The following CACNA1D variants were observed in gnomAD, a reference collection of about 807,000 sequenced individuals.
CACNA1D encodes voltage-dependent L-type calcium channel subunit alpha-1D.
CACNA1D carries 55 observed loss-of-function variants against 257.1 expected under a neutral mutation model. That is an observed-to-expected ratio of 0.21 (90% CI 0.17 to 0.27). The LOEUF (loss-of-function observed/expected upper bound fraction) is 0.27, where lower values mean the gene tolerates loss of function less well. Among genes scored for constraint, CACNA1D ranks in the 10% least tolerant of loss-of-function variants. The probability of loss-of-function intolerance (pLI) is 1.00; values close to 1 mark genes in which losing one functional copy is unlikely to be tolerated. For missense variants in CACNA1D, 1,876 were observed against 2,784.0 expected (o/e 0.67, Z 7.34); for synonymous variants, 980 against 1,014.9 (o/e 0.97, Z 0.65).
rs1355720108 is a variant in CACNA1D, at chr3:53,609,899, C to G, written c.484-40880C>G. 2.0e-5 allele frequency among the ~76,000 whole-genome samples: 3 copies of G among 152,136 alleles called. No homozygotes were observed. The East Asian group carries it at 5.8e-4, about 29-fold the overall frequency. ...ATCGGAATATTGGCTATACATTTCC[C>G]TCTAAGTACTGAGTTACCTATGCTC... On this transcript the variant is annotated intron_variant, in intron 3 of 47. Coordinates refer to ENST00000350061, the MANE Select transcript of CACNA1D (RefSeq NM_001128840.3).
At chr3:53,621,069 C>T (rs2093691841) in intron 3 of CACNA1D, among the ~76,000 whole-genome samples, 1 of 152,198 alleles carries the variant, frequency 6.6e-6, no homozygotes, top group South Asian at 2.1e-4. Flanking sequence ...TGTGCAGCCC[C>T]TTCCTTACCC....
intron 8 of CACNA1D, among the ~76,000 whole-genome samples, chr3:53,678,044 G>A (rs1052492971): frequency 3.9e-5 from 6 of 152,134 alleles, no homozygotes; most frequent in Non-Finnish European, 5.9e-5. Flanking sequence ...GAAAAGAATC[G>A]AATCAATTCA....
At chr3:53,790,158 G>A (rs949531502) in intron 40 of CACNA1D, among the ~76,000 whole-genome samples, 4 of 152,228 alleles carry the variant, frequency 2.6e-5, no homozygotes, top group South Asian at 2.1e-4. Flanking sequence ...GCATTTGCTC[G>A]TCATCCATTG....
rs2094342415 is a variant in CACNA1D, at chr3:53,673,186, C to A, written c.1220+60C>A. On this transcript the variant is annotated intron_variant, in intron 8 of 47. Transcript: ENST00000350061. This position sits in a 1 kb window ranked among gnomAD's most constrained non-coding sequence, Gnocchi z 4.1. ...CCTGAGGACAGTTGCCAAGACCACA[C>A]AAGCTTTGCTGGATGAGGGCCGCCA... 8.3e-7 allele frequency: 1 copy of A among 1,198,780 alleles called. No homozygotes were observed. The highest frequency in any genetic ancestry group is 1.2e-6 in the Non-Finnish European group (1 of 827,950). 74.3% of individuals were successfully genotyped at this position (1,198,780 alleles called of 1,614,324 possible).
chr3:53,575,394 A>G (rs2093019522), intron 3 of CACNA1D, among the ~76,000 whole-genome samples: 1 of 152,108 alleles, frequency 6.6e-6, no homozygotes, highest in Non-Finnish European at 1.5e-5. Context: ...GGGTGGGGGC[A>G]TGGTTCCAGG....
chr3:53,497,208 C>T lies in CACNA1D; in HGVS notation c.124C>T (p.Gln42Ter). 1 of 1,614,166 alleles carries T rather than the reference C, an allele frequency of 6.2e-7. No individual in the cohort carries two copies. The highest frequency in any genetic ancestry group is 8.5e-7 in the Non-Finnish European group (1 of 1,180,020). The change falls in exon 2 of 48, where the codon CAG becomes TAG. Residue 42 changes from glutamine (Q) to a stop codon, truncating the protein, a stop_gained. Coordinates refer to ENST00000350061, the MANE Select transcript of CACNA1D (RefSeq NM_001128840.3). LOFTEE classifies it high-confidence loss of function. ...LPLSGEGPTS[Q>*]PNSSKQTVLS... ...TCTTTCTGGTGAAGGACCAACTTCTCAGCCGAATAGCTCCAAGCAAACTGT... is the reference window on the plus strand; with the variant it reads ...TCTTTCTGGTGAAGGACCAACTTCTTAGCCGAATAGCTCCAAGCAAACTGT...
intron 3 of CACNA1D, among the ~76,000 whole-genome samples, chr3:53,530,799 C>T (rs1054702938): frequency 5.3e-5 from 8 of 152,082 alleles, no homozygotes; most frequent in African/African-American, 1.9e-4. Context: ...TAAAATGTTC[C>T]CCAGCATGAA....
intron 3 of CACNA1D, among the ~76,000 whole-genome samples, chr3:53,603,746 T>G (rs768721211): frequency 2.6e-5 from 4 of 152,234 alleles, no homozygotes; most frequent in African/African-American, 4.8e-5. Context: ...ATGCCTCATC[T>G]GTGCATGAAT....
Position 53,792,580 on chromosome 3 carries a change from A to G in CACNA1D, c.4923+5628A>G, listed in dbSNP as rs373256831. 2.9e-4 allele frequency: 44 copies of G among 152,412 alleles called. No homozygotes were observed. In the East Asian group the frequency reaches 4.8e-3, roughly 17 times the overall value. 9.4% of individuals were successfully genotyped at this position (152,412 alleles called of 1,614,324 possible). A position where few individuals can be genotyped will look rare whatever the true frequency, so the allele number is the denominator to read the frequency against. ...GAGACAGGGGAAGAGAGAGCCAGCA[A>G]ACTCTGGGGGGCCCTATTCCTGTAG... On this transcript the variant is annotated intron_variant, in intron 40 of 47. Coordinates refer to ENST00000350061, the MANE Select transcript of CACNA1D (RefSeq NM_001128840.3).
In CACNA1D at chr3:53,649,163, T is replaced by G. The variant is rs370152823; in HGVS notation, c.484-1616T>G. Among the ~76,000 whole-genome samples the G allele has an allele frequency of 9.3e-4, 141 of 152,288 alleles. 2 individuals are homozygous for G. In the South Asian group the frequency reaches 0.029, roughly 31 times the overall value. ...GCCCAGGGGCAGCACAGGCAAGGCT[T>G]CCATTTAAATGCACAAGGGTGTTGG... On this transcript the variant is annotated intron_variant, in intron 3 of 47. Coordinates refer to ENST00000350061, the MANE Select transcript of CACNA1D (RefSeq NM_001128840.3).
At chr3:53,517,194 TCTAATCCCTCACTGCAAGGCCCTGAATC>T (rs11274777) in intron 3 of CACNA1D, among the ~76,000 whole-genome samples, 121,837 of 150,546 alleles carry the variant, frequency 0.81, 49,573 homozygotes, top group African/African-American at 0.85. Flanking sequence ...CATCTTGCCT[TCTAATCCCTCACTGCAAGGCCCTGAATC>T]CTAATCCCTC....
chr3:53,770,131 G>A lies in CACNA1D; in HGVS notation c.3915+114G>A, dbSNP rs897720433. 5 of 922,868 alleles carry A rather than the reference G, an allele frequency of 5.4e-6. No homozygotes were observed. The East Asian group carries it at 1.2e-4, about 22-fold the overall frequency. The allele number at this position is 922,868 out of a possible 1,614,324, so 57.2% of individuals were successfully genotyped here. ...TCCATGATTGTCCTTCCAGAACAGT[G>A]TCTGCAGTGGTTTGCATTCATCATC... On this transcript the variant is annotated intron_variant, in intron 31 of 47. Coordinates refer to ENST00000350061, the MANE Select transcript of CACNA1D (RefSeq NM_001128840.3).
chr3:53,605,765 C>T (rs2093501899), intron 3 of CACNA1D, among the ~76,000 whole-genome samples: 1 of 152,210 alleles, frequency 6.6e-6, no homozygotes, highest in Non-Finnish European at 1.5e-5. Context: ...TCTCCCCTTC[C>T]AGAGATAAGA....
intron 30 of CACNA1D, among the ~76,000 whole-genome samples, chr3:53,768,594 T>C (rs1413821681): frequency 6.6e-6 from 1 of 152,250 alleles, no homozygotes; most frequent in Non-Finnish European, 1.5e-5. Context: ...ATCCTGGGTT[T>C]TTGATAAACC....
intron 3 of CACNA1D, among the ~76,000 whole-genome samples, chr3:53,626,096 A>G (rs1262466261): frequency 6.6e-6 from 1 of 152,228 alleles, no homozygotes; most frequent in Non-Finnish European, 1.5e-5. Context: ...ATTCTGGAGA[A>G]GAGTTTGCAC....
chr3:53,691,407 G>A (rs914079715), intron 8 of CACNA1D, among the ~76,000 whole-genome samples: 1 of 151,776 alleles, frequency 6.6e-6, no homozygotes, highest in South Asian at 2.1e-4. Context: ...CCCAATTGAA[G>A]AATACCTCTT....
intron 3 of CACNA1D, among the ~76,000 whole-genome samples, chr3:53,610,497 C>G (rs1344755869): frequency 6.6e-6 from 1 of 152,126 alleles, no homozygotes; most frequent in Non-Finnish European, 1.5e-5. Flanking sequence ...GTTCCTCTTT[C>G]TCCCTGTTGA....
intron 3 of CACNA1D, chr3:53,530,375 T>G (rs2091907298): frequency 6.6e-6 from 1 of 152,228 alleles, no homozygotes; most frequent in African/African-American, 2.4e-5. Context: ...GTCTTCAGAT[T>G]GTCGTGTTTA....
At chr3:53,685,354 A>T (rs2094465228) in intron 8 of CACNA1D, among the ~76,000 whole-genome samples, 3 of 152,148 alleles carry the variant, frequency 2.0e-5, no homozygotes, top group Admixed American at 2.0e-4. Context: ...GGAGAAATTG[A>T]TAAATCTAGA....
Sources: gnomAD v4.1 joint callset for allele counts (sites outside exome capture counted in the v4.1 genomes callset) on GRCh38, gnomAD v4.1.1 for gene constraint, Gnocchi (gnomAD v3.1) non-coding constraint, MANE v1.5 for transcripts, NCBI Gene and HGNC (gene_info 2026-07-23, HGNC 2026-07-21) for gene names.